FOXN3: variants seen among roughly 807,000 people sequenced by gnomAD.
The protein encoded by FOXN3 is forkhead box N3.
In FOXN3, 7 loss-of-function variants were observed where a neutral mutation model predicts 38.4. That is an observed-to-expected ratio of 0.18 (90% CI 0.10 to 0.34). The LOEUF (loss-of-function observed/expected upper bound fraction) is 0.34. Among genes scored for constraint, FOXN3 ranks in the 10% least tolerant of loss-of-function variants. FOXN3 has a pLI of 1.00. For synonymous variants in FOXN3, 230 were observed against 242.2 expected (o/e 0.95, Z 0.47); for missense variants, 456 against 613.4 (o/e 0.74, Z 2.71).
At chr14:89,264,265 T>C (rs1450376785) in intron 4 of FOXN3, among the ~76,000 whole-genome samples, 2 of 152,070 alleles carry the variant, frequency 1.3e-5, no homozygotes, top group South Asian at 2.1e-4. Flanking sequence ...CAGTTCCACA[T>C]GGCTCAGGAG....
chr14:89,417,151 T>C lies in FOXN3; in HGVS notation c.-295A>G, dbSNP rs1891765689. The C allele has an allele frequency of 1.4e-5, 2 of 138,994 alleles. No homozygotes were observed. The highest frequency in any genetic ancestry group is 2.4e-4 in the South Asian group (1 of 4,134). The allele number at this position is 138,994 out of a possible 1,614,324, so 8.6% of individuals were successfully genotyped here. On this transcript the variant is annotated 5_prime_UTR_variant, in exon 1 of 6. Coordinates refer to ENST00000557258, the MANE Select transcript of FOXN3 (RefSeq NM_005197.4). ...CTCCCCGCCCCGTCCCGCCTCCCGC[T>C]CGCCTCCGCCGCGGCGCGTCGGGCC...
At chr14:89,376,403 T>C (rs868560538) in intron 2 of FOXN3, among the ~76,000 whole-genome samples, 3 of 152,218 alleles carry the variant, frequency 2.0e-5, no homozygotes, top group Non-Finnish European at 2.9e-5. Flanking sequence ...TAGAGGCGAT[T>C]ATTACACCAA....
chr14:89,561,589 A>G (rs1362627033), intron 1 of FOXN3, among the ~76,000 whole-genome samples: 2 of 152,330 alleles, frequency 1.3e-5, no homozygotes, highest in African/African-American at 4.8e-5. Context: ...AAAAAGACAT[A>G]TGTACAATAG....
chr14:89,482,909 G>GAA (rs10671899), intron 1 of FOXN3, among the ~76,000 whole-genome samples: 106,341 of 143,852 alleles, frequency 0.74, 39,307 homozygotes, highest in Non-Finnish European at 0.8. Context: ...GACCCTGTAT[G>GAA]AAAAAAAAAA....
intron 1 of FOXN3, among the ~76,000 whole-genome samples, chr14:89,552,104 T>C (rs1895015796): frequency 6.6e-6 from 1 of 152,204 alleles, no homozygotes; most frequent in Admixed American, 6.5e-5. Flanking sequence ...TGCCTTGAGA[T>C]TTATCTTTCT....
chr14:89,401,970 C>A (rs752834596), intron 2 of FOXN3, among the ~76,000 whole-genome samples: 45 of 152,124 alleles, frequency 3.0e-4, no homozygotes, highest in Admixed American at 8.5e-4. Flanking sequence ...GCTGAGTTCA[C>A]AAGGAAAGGT....
intron 1 of FOXN3, among the ~76,000 whole-genome samples, chr14:89,498,577 T>A (rs770825040): frequency 5.9e-5 from 9 of 152,152 alleles, no homozygotes; most frequent in African/African-American, 9.7e-5. Flanking sequence ...GAAAGTGAAT[T>A]TCATCACAAT....
chr14:89,430,159 T>C (rs1438281404), intron 1 of FOXN3, among the ~76,000 whole-genome samples: 1 of 152,214 alleles, frequency 6.6e-6, no homozygotes, highest in African/African-American at 2.4e-5. Context: ...TCAGAAAGAA[T>C]ATTCATATGC....
intron 4 of FOXN3, among the ~76,000 whole-genome samples, chr14:89,208,193 G>C (rs867607209): frequency 1.3e-5 from 2 of 152,190 alleles, no homozygotes; most frequent in Non-Finnish European, 2.9e-5. Flanking sequence ...GTGGCAGGCT[G>C]GCCTACATGC....
At chr14:89,165,640 G>A (rs1160022915) in intron 5 of FOXN3, among the ~76,000 whole-genome samples, 1 of 152,198 alleles carries the variant, frequency 6.6e-6, no homozygotes, top group African/African-American at 2.4e-5. Context: ...GCATAAAGAT[G>A]GCTGGGATAA....
intron 5 of FOXN3, among the ~76,000 whole-genome samples, chr14:89,178,306 G>A (rs1242973026): frequency 2.6e-5 from 4 of 152,130 alleles, no homozygotes; most frequent in Non-Finnish European, 5.9e-5. Context: ...AATGTGCCCG[G>A]CCTCGGCGAA....
At chr14:89,363,947 A>AATATATATATATATATTAT (rs1889985779) in intron 2 of FOXN3, among the ~76,000 whole-genome samples, 1 of 111,400 alleles carries the variant, frequency 9.0e-6, no homozygotes, top group African/African-American at 5.2e-5. Context: ...CTGTCTGTAA[A>AATATATATATATATATTAT]ATATATATAT....
At chr14:89,456,107 T>C (rs1162579624) in intron 1 of FOXN3, among the ~76,000 whole-genome samples, 1 of 150,846 alleles carries the variant, frequency 6.6e-6, no homozygotes. Context: ...GGCAGGAGAA[T>C]TGCTTGAACC....
intron 1 of FOXN3, among the ~76,000 whole-genome samples, chr14:89,425,707 G>T (rs962723129): frequency 6.6e-6 from 1 of 152,134 alleles, no homozygotes; most frequent in Non-Finnish European, 1.5e-5. Context: ...GTTCTATAAA[G>T]TGTCACAAAC....
At chr14:89,201,395 T>C (rs1426742683) in intron 4 of FOXN3, among the ~76,000 whole-genome samples, 1 of 152,208 alleles carries the variant, frequency 6.6e-6, no homozygotes, top group African/African-American at 2.4e-5. Flanking sequence ...AATGTCCTGC[T>C]TGCTCCTGGT....
At chr14:89,469,126 A>T (rs542815316) in intron 1 of FOXN3, among the ~76,000 whole-genome samples, 1 of 152,364 alleles carries the variant, frequency 6.6e-6, no homozygotes, top group East Asian at 1.9e-4. Flanking sequence ...TTTAATTTGC[A>T]GATGAGAGAA....
chr14:89,450,592 T>G (rs1230598883), intron 1 of FOXN3, among the ~76,000 whole-genome samples: 1 of 43,876 alleles, frequency 2.3e-5, no homozygotes, highest in African/African-American at 1.0e-4. Flanking sequence ...CATCTTTCCT[T>G]TTTTTTTTTT....
intron 1 of FOXN3, among the ~76,000 whole-genome samples, chr14:89,499,484 G>A (rs970841098): frequency 8.1e-5 from 12 of 147,948 alleles, no homozygotes; most frequent in African/African-American, 2.5e-4. Flanking sequence ...TTTTTTTGCC[G>A]TGTCTTTGGC....
chr14:89,372,398 T>G (rs1198966682), intron 2 of FOXN3, among the ~76,000 whole-genome samples: 3 of 152,260 alleles, frequency 2.0e-5, no homozygotes, highest in Non-Finnish European at 4.4e-5. Flanking sequence ...GTTACTATTA[T>G]GTTTCAGAGT....
Sources: gnomAD v4.1 joint callset for allele counts (sites outside exome capture counted in the v4.1 genomes callset) on GRCh38, gnomAD v4.1.1 for gene constraint, MANE v1.5 for transcripts, NCBI Gene and HGNC (gene_info 2026-07-23, HGNC 2026-07-21) for gene names.